Variants in CSRP3 observed in about 807,000 individuals in gnomAD.
CSRP3 encodes cysteine and glycine rich protein 3.
Under a neutral mutation model 24.3 loss-of-function variants are expected in CSRP3, and 24 were observed. The ratio of observed to expected loss-of-function variants is 0.99; its 90% CI spans 0.71 to 1.39. The LOEUF (loss-of-function observed/expected upper bound fraction) is 1.39, where lower values mean the gene tolerates loss of function less well. Among genes scored for constraint, CSRP3 ranks in the 40% most tolerant of loss-of-function variants. The pLI is 0.00. For missense variants in CSRP3, 240 were observed against 249.0 expected, an observed-to-expected ratio of 0.96 and a Z score of 0.24; for synonymous variants, 105 against 94.0, an observed-to-expected ratio of 1.12 and a Z score of -0.68.
chr11:19,182,782 C>T (rs773875522), intron 5 of CSRP3, 36 bp from the exon 6 acceptor site: 2 of 1,470,204 alleles, frequency 1.4e-6, no homozygotes, highest in Non-Finnish European at 1.9e-6. Context: ...AGAGACAATG[C>T]ATTGGTTAGT....
In CSRP3 at chr11:19,186,266, G is replaced by T; in HGVS notation, c.364C>A (p.Arg122=). 6.2e-7 allele frequency: 1 copy of T among 1,614,142 alleles called. No homozygotes were observed. The highest frequency in any genetic ancestry group is 8.5e-7 in the Non-Finnish European group (1 of 1,180,018). ...GCAGCATAGACTGACTTGCCACATC[G>T]AGGGCACTTCTCGGACTCTCCAAAC... ...AKFGESEKCP[R]CGKSVYAAEK... is the part of the protein sequence containing the mutation. Residue 122 remains arginine (R), a synonymous_variant, in exon 4 of 6, where the codon CGA becomes AGA. Transcript: ENST00000265968.
chr11:19,197,519 CT>C (rs1850752319), intron 1 of CSRP3, among the ~76,000 whole-genome samples: 15 of 119,576 alleles, frequency 1.3e-4, no homozygotes, highest in African/African-American at 4.1e-4. Context: ...TTCTTTCTTT[CT>C]TTCTTTCTTT....
chr11:19,188,135 C>T lies in CSRP3; in HGVS notation c.281+1G>A, dbSNP rs767787661. The T allele has an allele frequency of 1.2e-6, 2 of 1,614,176 alleles. No individual in the cohort carries two copies. The highest frequency in any genetic ancestry group is 1.7e-6 in the Non-Finnish European group (2 of 1,180,020). On this transcript the variant is annotated splice_donor_variant, in intron 3 of 5. Coordinates refer to ENST00000265968, the MANE Select transcript of CSRP3 (RefSeq NM_003476.5). LOFTEE classifies it high-confidence loss of function. ...CAAGGGGGAGCAGGGCAGTAACTCA[C>T]TGTTGGAACTGCAGGCCGAGATGCT...
At chr11:19,192,520 G>T in intron 1 of CSRP3, 44 bp from the exon 2 acceptor site, 1 of 1,211,266 alleles carries the variant, frequency 8.3e-7, no homozygotes, top group Non-Finnish European at 1.2e-6. Context: ...AGTGGCCCCA[G>T]GAGTGAACCA....
intron 1 of CSRP3, among the ~76,000 whole-genome samples, chr11:19,197,987 G>A (rs889955733): frequency 6.6e-5 from 10 of 152,146 alleles, no homozygotes; most frequent in Non-Finnish European, 2.9e-5. Context: ...TGAGGAAATG[G>A]AGGCTTTGGG....
intron 1 of CSRP3, among the ~76,000 whole-genome samples, chr11:19,195,733 C>T (rs1036840296): frequency 6.6e-6 from 1 of 152,016 alleles, no homozygotes; most frequent in Admixed American, 6.6e-5. Flanking sequence ...CCTAGGCATA[C>T]TTTTCAAAAT....
rs879010898 is a variant in CSRP3 at position 19,184,846 on chromosome 11, T to C, written c.508+106A>G. 5.7e-5 allele frequency: 50 copies of C among 873,192 alleles called. No homozygotes were observed. The South Asian group carries it at 6.5e-4, about 11-fold the overall frequency. The allele number at this position is 873,192 out of a possible 1,614,324, so 54.1% of individuals were successfully genotyped here. ...CAACGCTGCCCAGGCTGAGCAGCCA[T>C]ACCTCCTGGAAGACACGGGAAGACC... On this transcript the variant is annotated intron_variant, in intron 5 of 5. Transcript: ENST00000265968.
At position 19,186,345 on chromosome 11, in the gene CSRP3, G is replaced by C. The variant is rs45483799; in HGVS notation, c.285C>G (p.Ser95=). 6.2e-7 allele frequency: 1 copy of C among 1,614,184 alleles called. No individual in the cohort carries two copies. The highest frequency in any genetic ancestry group is 8.5e-7 in the Non-Finnish European group (1 of 1,180,012). The change falls in exon 4 of 6, where the codon TCC becomes TCG. Residue 95 remains serine, a synonymous_variant. Coordinates refer to ENST00000265968, the MANE Select transcript of CSRP3 (RefSeq NM_003476.5). The part of the protein sequence containing the change: ...GEHLGLQFQQ[S]PKPARSVTTS... Reference sequence around the variant, plus strand: ...TGGTAACTGAGCGTGCCGGCTTTGGGGACCTGTTGGAAATAGACGAATGAA... The same window carrying C: ...TGGTAACTGAGCGTGCCGGCTTTGGCGACCTGTTGGAAATAGACGAATGAA...
At chr11:19,195,183 C>A (rs1370348352) in intron 1 of CSRP3, among the ~76,000 whole-genome samples, 1 of 151,686 alleles carries the variant, frequency 6.6e-6, no homozygotes, top group African/African-American at 2.4e-5. Flanking sequence ...CTAATGAAGT[C>A]ATGCAGAGAA....
chr11:19,188,339 T>C, intron 2 of CSRP3, 35 bp from the exon 3 acceptor site: 5 of 1,609,594 alleles, frequency 3.1e-6, no homozygotes, highest in Non-Finnish European at 4.2e-6. Context: ...GGATTGGAAT[T>C]GAAATCCTTC....
In CSRP3 at chr11:19,188,222, T is replaced by A; in HGVS notation, c.195A>T (p.Arg65Ser). Residue 65 changes from arginine to serine, a missense_variant, in exon 3 of 6, where the codon AGA becomes AGT. Coordinates refer to ENST00000265968, the MANE Select transcript of CSRP3 (RefSeq NM_003476.5). ...EIYCKVCYGR[R>S]YGPKGIGYGQ... The stretch of plus-strand genomic sequence containing the variant: ...CATACCCGATCCCTTTGGGGCCATA[T>A]CTGCGCCCATAGCACACCTTGCAGT... The A allele has an allele frequency of 6.2e-7, 1 of 1,613,616 alleles. No individual in the cohort carries two copies. The highest frequency in any genetic ancestry group is 8.5e-7 in the Non-Finnish European group (1 of 1,180,012).
At chr11:19,197,556 T>TTTCC in intron 1 of CSRP3, among the ~76,000 whole-genome samples, 1 of 140,518 alleles carries the variant, frequency 7.1e-6, no homozygotes, top group African/African-American at 2.8e-5. Flanking sequence ...TCTTTCTTTC[T>TTTCC]TTCTTTCTTT....
intron 2 of CSRP3, among the ~76,000 whole-genome samples, chr11:19,191,123 T>C (rs1332848513): frequency 6.6e-6 from 1 of 152,214 alleles, no homozygotes; most frequent in Non-Finnish European, 1.5e-5. Flanking sequence ...TAATCATCTT[T>C]GTTTTATAAG....
chr11:19,201,672 C>T (rs2133530512), intron 1 of CSRP3, among the ~76,000 whole-genome samples: 1 of 152,288 alleles, frequency 6.6e-6, no homozygotes, highest in East Asian at 1.9e-4. Flanking sequence ...AATGTAATTC[C>T]ACCACGTAAG....
chr11:19,190,845 C>T (rs1452050793), intron 2 of CSRP3, among the ~76,000 whole-genome samples: 1 of 152,186 alleles, frequency 6.6e-6, no homozygotes, highest in Non-Finnish European at 1.5e-5. Flanking sequence ...AAATCCTCAT[C>T]CCATCAAAGG....
intron 2 of CSRP3, among the ~76,000 whole-genome samples, chr11:19,190,120 A>G (rs555547619): frequency 5.9e-5 from 9 of 152,388 alleles, no homozygotes; most frequent in African/African-American, 1.9e-4. Context: ...GAATGTGTCA[A>G]TGTAAATCAG....
intron 1 of CSRP3, among the ~76,000 whole-genome samples, chr11:19,199,316 A>G (rs1850797189): frequency 6.6e-6 from 1 of 151,806 alleles, no homozygotes; most frequent in Non-Finnish European, 1.5e-5. Context: ...CCTTTCACAG[A>G]GCCCAGGAAG....
chr11:19,183,588 T>G (rs1192023109), intron 5 of CSRP3, among the ~76,000 whole-genome samples: 1 of 152,210 alleles, frequency 6.6e-6, no homozygotes, highest in African/African-American at 2.4e-5. Context: ...CTATAGACTT[T>G]TTTTTTCACT....
At chr11:19,191,064 A>G (rs1328732948) in intron 2 of CSRP3, among the ~76,000 whole-genome samples, 1 of 152,202 alleles carries the variant, frequency 6.6e-6, no homozygotes, top group African/African-American at 2.4e-5. Flanking sequence ...CTGGATTTCC[A>G]TATCAAGACC....
Sources: allele counts gnomAD v4.1 joint callset (sites outside exome capture counted in the v4.1 genomes callset), GRCh38; gene constraint gnomAD v4.1.1; transcripts MANE v1.5; gene names NCBI Gene and HGNC (gene_info 2026-07-23, HGNC 2026-07-21).